MIB1: variants seen among roughly 807,000 people sequenced by gnomAD.
MIB1 encodes the protein MIB E3 ubiquitin protein ligase 1.
MIB1 carries 278 observed loss-of-function variants against 124.5 expected under a neutral mutation model. That is an observed-to-expected ratio of 2.23 (90% CI 2.02 to 2.47). The LOEUF (loss-of-function observed/expected upper bound fraction) is 2.47, where lower values mean the gene tolerates loss of function less well. Ranked by LOEUF, MIB1 falls within the 30% of genes most tolerant of loss-of-function variation. The pLI is 0.00. For missense variants in MIB1, 957 were observed against 1,254.4 expected, an observed-to-expected ratio of 0.76 and a Z score of 3.58; for synonymous variants, 446 against 429.4, an observed-to-expected ratio of 1.04 and a Z score of -0.48.
At position 21,857,152 on chromosome 18, in the gene MIB1, G is replaced by A; in HGVS notation, c.2688G>A (p.Lys896=). Residue 896 remains lysine, a synonymous_variant, in exon 19 of 21, where the codon AAG becomes AAA. Transcript: ENST00000261537. The stretch of plus-strand genomic sequence containing the variant: ...CAGACTGTGCTAACCTGATGAAAAA[G>A]TGTGTGCAGTGTCGAGCAGTAGTTG... ...ACENCANLMK[K]CVQCRAVVER... is the part of the protein sequence containing the mutation. The A allele has an allele frequency of 6.2e-7, 1 of 1,614,102 alleles. No homozygotes were observed. The highest frequency in any genetic ancestry group is 8.5e-7 in the Non-Finnish European group (1 of 1,179,940).
intron 6 of MIB1, among the ~76,000 whole-genome samples, chr18:21,790,663 C>T (rs919288587): frequency 4.6e-5 from 7 of 152,096 alleles, no homozygotes; most frequent in Non-Finnish European, 5.9e-5. Flanking sequence ...TGTAAGGACA[C>T]AGAGTAGAAT....
Position 21,712,703 on chromosome 18 carries a change from A to G in MIB1, n.167+7580A>G, listed in dbSNP as rs375107925. The stretch of plus-strand genomic sequence containing the variant: ...TCCAGATGAAAATACAGCATGGTCA[A>G]CGTTTTAACTTCAGCCTTGTGAGCC... On this transcript the variant is annotated intron_variant and non_coding_transcript_variant, in intron 1 of 20. Transcript: ENST00000578646. Among the ~76,000 whole-genome samples, 95 of 152,350 alleles carry G rather than the reference A, an allele frequency of 6.2e-4. No homozygotes were observed. In the Middle Eastern group the frequency reaches 0.014, roughly 22 times the overall value.
chr18:21,771,440 T>C (rs180687412), intron 3 of MIB1, among the ~76,000 whole-genome samples: 1 of 152,250 alleles, frequency 6.6e-6, no homozygotes, highest in Non-Finnish European at 1.5e-5. Flanking sequence ...ACAAATGAAG[T>C]TGAATCTGAA....
intron 20 of MIB1, among the ~76,000 whole-genome samples, chr18:21,862,661 G>A (rs2042286207): frequency 6.6e-6 from 1 of 152,172 alleles, no homozygotes. Flanking sequence ...GTGTCTAAGA[G>A]CAAGAACTTT....
At chr18:21,814,860 C>T (rs1477413680) in intron 10 of MIB1, among the ~76,000 whole-genome samples, 2 of 150,866 alleles carry the variant, frequency 1.3e-5, no homozygotes, top group African/African-American at 2.4e-5. Flanking sequence ...AGGTGTGAGC[C>T]ACTGCGCCTG....
intron 18 of MIB1, chr18:21,854,898 G>T: frequency 5.0e-6 from 1 of 200,560 alleles, no homozygotes; most frequent in Non-Finnish European, 1.1e-5. Flanking sequence ...TTGATATAAA[G>T]GTAAACAATA....
In MIB1 at chr18:21,752,978, A is replaced by G. The variant is rs1389420021; in HGVS notation, c.229+11166A>G. Among the ~76,000 whole-genome samples the G allele has an allele frequency of 2.6e-5, 4 of 152,142 alleles. No homozygotes were observed. In the East Asian group the frequency reaches 7.7e-4, roughly 29 times the overall value. ...GTTTGCCAAATACATGTTGAGTGAA[A>G]AAGCAAGTTTCAAAGGGCTAACATA... On this transcript the variant is annotated intron_variant, in intron 1 of 20. Coordinates refer to ENST00000261537, the MANE Select transcript of MIB1 (RefSeq NM_020774.4).
At chr18:21,726,108 G>A (rs1003996929) in intron 1 of MIB1, among the ~76,000 whole-genome samples, 1 of 152,160 alleles carries the variant, frequency 6.6e-6, no homozygotes, top group African/African-American at 2.4e-5. Flanking sequence ...GGCTGGGAAT[G>A]GGGGCTCACA....
chr18:21,853,145 A>G lies in MIB1; in HGVS notation c.2592A>G (p.Glu864=). 3.1e-6 allele frequency: 5 copies of G among 1,611,282 alleles called. No individual in the cohort carries two copies. The highest frequency in any genetic ancestry group is 4.2e-6 in the Non-Finnish European group (5 of 1,177,636). ...TGTAACCTCTTTTTCTATAGATTGA[A>G]GAATGTGTGGTATGCTCTGACAAGA... ...KEQVQSRTKI[E]ECVVCSDKKA... Residue 864 remains glutamate, a synonymous_variant, in exon 18 of 21, where the codon GAA becomes GAG. Transcript: ENST00000261537.
intron 7 of MIB1, among the ~76,000 whole-genome samples, chr18:21,793,053 TCTGC>T: frequency 6.6e-6 from 1 of 152,218 alleles, no homozygotes; most frequent in South Asian, 2.1e-4. Context: ...AGCTATTGAG[TCTGC>T]ATCTCTTCGT....
At chr18:21,726,793 A>G (rs1189773096) in intron 1 of MIB1, among the ~76,000 whole-genome samples, 1 of 152,192 alleles carries the variant, frequency 6.6e-6, no homozygotes, top group Non-Finnish European at 1.5e-5. Context: ...CCCCGTAACA[A>G]TGATTCCCAC....
chr18:21,726,782 C>A (rs1482228854), intron 1 of MIB1, among the ~76,000 whole-genome samples: 2 of 152,074 alleles, frequency 1.3e-5, no homozygotes, highest in Non-Finnish European at 2.9e-5. Context: ...CCCTTCACTC[C>A]CCCCGTAACA....
In MIB1 at chr18:21,791,386, TC is replaced by T; in HGVS notation, c.923del (p.Pro308LeufsTer59). The T allele has an allele frequency of 6.2e-7, 1 of 1,609,938 alleles. No individual in the cohort carries two copies. The highest frequency in any genetic ancestry group is 8.5e-7 in the Non-Finnish European group (1 of 1,178,024). ...YPSGNRWTFN[P>X]AVLTKANIVR... ...TTTGCTCTTGTAGGTGGACCTTCAA[TC>T]CTGCTGTTCTCACTAAAGCGAACAT... On this transcript the variant is annotated frameshift_variant, in exon 7 of 21. Transcript: ENST00000261537. LOFTEE classifies it high-confidence loss of function.
In MIB1 at chr18:21,846,970, G is replaced by T. The variant is rs770134075; in HGVS notation, c.2238G>T (p.Gly746=). 7 of 1,613,840 alleles carry T rather than the reference G, an allele frequency of 4.3e-6. No individual in the cohort carries two copies. Among genetic ancestry groups the T allele is most frequent in the Non-Finnish European group, 5.9e-6 (7 of 1,179,958 alleles). ...TAATAATGGGACTTGGTACCCAGGG[G>T]GCAGAGAAGAAGAGTGCAGCATCTA... ...NTLIMGLGTQ[G]AEKKSAASIA... The change falls in exon 16 of 21, where the codon GGG becomes GGT. Residue 746 remains glycine, a synonymous_variant. Transcript: ENST00000261537.
At chr18:21,774,622 G>A (rs1048084155) in intron 4 of MIB1, among the ~76,000 whole-genome samples, 1 of 152,062 alleles carries the variant, frequency 6.6e-6, no homozygotes, top group African/African-American at 2.4e-5. Context: ...GCTATTTAAT[G>A]TATAGAGTAT....
chr18:21,778,760 CAA>C (rs1027370893), intron 5 of MIB1, among the ~76,000 whole-genome samples: 8 of 151,894 alleles, frequency 5.3e-5, no homozygotes, highest in African/African-American at 1.7e-4. Context: ...GCCTTTGTCG[CAA>C]AAAGTGCTGT....
At chr18:21,824,434 G>A (rs796370960) in intron 12 of MIB1, among the ~76,000 whole-genome samples, 1 of 152,026 alleles carries the variant, frequency 6.6e-6, no homozygotes, top group South Asian at 2.1e-4. Flanking sequence ...CTGTATTTTG[G>A]TGTTTAATGC....
intron 12 of MIB1, among the ~76,000 whole-genome samples, chr18:21,832,216 C>T (rs1016345034): frequency 6.6e-6 from 1 of 152,076 alleles, no homozygotes; most frequent in Non-Finnish European, 1.5e-5. Context: ...AGTAATTATA[C>T]AAGTATTCAG....
At chr18:21,737,692 A>C (rs1037577693), upstream of MIB1, among the ~76,000 whole-genome samples, 8 of 152,178 alleles carry the variant, frequency 5.3e-5, no homozygotes, top group African/African-American at 1.7e-4. Context: ...ATATTTACCA[A>C]GCAGATAGAA....
Sources: gnomAD v4.1 joint callset for allele counts (sites outside exome capture counted in the v4.1 genomes callset) on GRCh38, gnomAD v4.1.1 for gene constraint, MANE v1.5 for transcripts, NCBI Gene and HGNC (gene_info 2026-07-23, HGNC 2026-07-21) for gene names.